The following CHST11 variants were observed in gnomAD, a reference collection of about 807,000 sequenced individuals.
The protein encoded by CHST11 is carbohydrate sulfotransferase 11.
Under a neutral mutation model 30.4 loss-of-function variants are expected in CHST11, and 9 were observed. The ratio of observed to expected loss-of-function variants is 0.30; its 90% CI spans 0.18 to 0.52. CHST11 has a LOEUF of 0.52. Ranked by LOEUF, CHST11 falls within the 20% of genes least tolerant of loss-of-function variation. The probability of loss-of-function intolerance (pLI) is 0.97; values close to 1 mark genes in which losing one functional copy is unlikely to be tolerated. For synonymous variants in CHST11, 152 were observed against 187.8 expected, an observed-to-expected ratio of 0.81 and a Z score of 1.56; for missense variants, 348 against 460.6, an observed-to-expected ratio of 0.76 and a Z score of 2.24.
chr12:104,525,206 T>C (rs1270499129), intron 1 of CHST11, among the ~76,000 whole-genome samples: 1 of 151,816 alleles, frequency 6.6e-6, no homozygotes, highest in East Asian at 1.9e-4. Flanking sequence ...GTTCAAGTGA[T>C]CCTAGAACTT....
At chr12:104,481,575 C>A (rs1479903066) in intron 1 of CHST11, among the ~76,000 whole-genome samples, 3 of 152,020 alleles carry the variant, frequency 2.0e-5, no homozygotes, top group Non-Finnish European at 4.4e-5. Flanking sequence ...AGGGAGCGGT[C>A]ATGGATTCTC....
chr12:104,522,787 G>A (rs1335474367), intron 1 of CHST11, among the ~76,000 whole-genome samples: 4 of 151,998 alleles, frequency 2.6e-5, no homozygotes, highest in Non-Finnish European at 5.9e-5. Context: ...TGGTCCTATC[G>A]CATCATTCTG....
chr12:104,473,195 TATC>T lies in CHST11; in HGVS notation c.118+15672_118+15674del, dbSNP rs140091921. Reference sequence around the variant, plus strand: ...GGGGCCATTTGGAAATCGTTTCTATTATCATCATTTAATGGGAGGTAAGATTAT... The same window carrying T: ...GGGGCCATTTGGAAATCGTTTCTATTATCATTTAATGGGAGGTAAGATTAT... On this transcript the variant is annotated intron_variant, in intron 1 of 2. Transcript: ENST00000303694. 6.2e-3 allele frequency among the ~76,000 whole-genome samples: 946 copies of T among 152,294 alleles called. 13 individuals are homozygous for T. The highest frequency in any genetic ancestry group is 0.022 in the African/African-American group (911 of 41,548).
chr12:104,701,820 AG>A (rs1244921698), intron 2 of CHST11, among the ~76,000 whole-genome samples: 4 of 152,212 alleles, frequency 2.6e-5, no homozygotes, highest in Non-Finnish European at 5.9e-5. Flanking sequence ...TGAGCAGGGA[AG>A]GTGCAGCCTG....
intron 2 of CHST11, among the ~76,000 whole-genome samples, chr12:104,705,185 G>T (rs529899800): frequency 2.6e-5 from 4 of 152,158 alleles, no homozygotes; most frequent in Non-Finnish European, 5.9e-5. Flanking sequence ...AGATCTTGGT[G>T]TGGGTCACCT....
chr12:104,600,709 T>C lies in CHST11; in HGVS notation c.119-1197T>C, dbSNP rs558965372. Among the ~76,000 whole-genome samples, 27 of 152,348 alleles carry C rather than the reference T, an allele frequency of 1.8e-4. No individual in the cohort carries two copies. Among genetic ancestry groups the C allele is most frequent in the African/African-American group, 6.0e-4 (25 of 41,576 alleles). On this transcript the variant is annotated intron_variant, in intron 1 of 2. Transcript: ENST00000303694. This position sits in a 1 kb window ranked among gnomAD's most constrained non-coding sequence, Gnocchi z 4.1. ...TGTCCTGCTGTCCATTCATTGCCTC[T>C]GTGGAGCAGGTGAATTCTTTAGGCT...
intron 1 of CHST11, among the ~76,000 whole-genome samples, chr12:104,462,181 A>AAAAAAAAAAAAAAG (rs2037415576): frequency 6.7e-6 from 1 of 148,650 alleles, no homozygotes; most frequent in Non-Finnish European, 1.5e-5. Flanking sequence ...AAAAAAAAAA[A>AAAAAAAAAAAAAAG]AAAAGAAAAA....
intron 1 of CHST11, among the ~76,000 whole-genome samples, chr12:104,543,256 G>A (rs144192681): frequency 0.011 from 1,733 of 152,288 alleles, 14 homozygotes; most frequent in Non-Finnish European, 0.018. Context: ...CAAGAGGATA[G>A]CACCAAGCCA....
chr12:104,553,568 C>CAGAGAGAGAGAGAGA (rs376486742), intron 1 of CHST11: 1 of 140,134 alleles, frequency 7.1e-6, no homozygotes, highest in African/African-American at 2.8e-5. Context: ...ATGGTGTCAG[C>CAGAGAGAGAGAGAGA]GAGAGAGAGA....
chr12:104,577,930 C>T (rs952547274), intron 1 of CHST11, among the ~76,000 whole-genome samples: 2 of 152,186 alleles, frequency 1.3e-5, no homozygotes, highest in African/African-American at 4.8e-5. Flanking sequence ...CAACAGCACT[C>T]ACGACCCCTT....
intron 2 of CHST11, among the ~76,000 whole-genome samples, chr12:104,612,909 G>A (rs980036299): frequency 1.2e-4 from 19 of 152,192 alleles, no homozygotes; most frequent in Admixed American, 2.6e-4. Flanking sequence ...CAGAGTTGCA[G>A]CATTGTTCAC....
At chr12:104,690,817 GA>G (rs760992479) in intron 2 of CHST11, among the ~76,000 whole-genome samples, 173 of 152,242 alleles carry the variant, frequency 1.1e-3, no homozygotes, top group Non-Finnish European at 1.6e-3. Context: ...AACAGAGTGA[GA>G]CCCTGTCTCC....
intron 1 of CHST11, among the ~76,000 whole-genome samples, chr12:104,524,472 T>G (rs1443091878): frequency 1.3e-5 from 2 of 152,188 alleles, no homozygotes; most frequent in Non-Finnish European, 1.5e-5. Context: ...GTATAGGGAA[T>G]GAGTTCTTGA....
intron 2 of CHST11, among the ~76,000 whole-genome samples, chr12:104,665,325 G>A (rs1335133630): frequency 1.3e-5 from 2 of 152,230 alleles, no homozygotes; most frequent in African/African-American, 4.8e-5. Flanking sequence ...AGAACTTTGG[G>A]AGGAGCAAGG....
chr12:104,602,266 C>T (rs902039029), intron 2 of CHST11: 22 of 483,284 alleles, frequency 4.6e-5, no homozygotes, highest in African/African-American at 2.8e-4. Flanking sequence ...GTCTCAAGTT[C>T]GAGCAATGGG....
Position 104,587,165 on chromosome 12 carries a change from G to T in CHST11, c.119-14741G>T, listed in dbSNP as rs117931952. The stretch of plus-strand genomic sequence containing the variant: ...GTGATGACAGTGGTATACAGAAAAG[G>T]CTTCTAATAAAATTAAACTCACAAA... On this transcript the variant is annotated intron_variant, in intron 1 of 2. Coordinates refer to ENST00000303694, the MANE Select transcript of CHST11 (RefSeq NM_018413.6). Among the ~76,000 whole-genome samples the T allele has an allele frequency of 2.8e-4, 42 of 152,276 alleles. 3 individuals are homozygous for T. The East Asian group carries it at 8.1e-3, about 29-fold the overall frequency.
At chr12:104,750,423 C>T (rs71468230) in intron 2 of CHST11, among the ~76,000 whole-genome samples, 1 of 56,522 alleles carries the variant, frequency 1.8e-5, no homozygotes, top group African/African-American at 6.3e-5. Context: ...TTTTATATTT[C>T]TGCACTTTTT....
chr12:104,621,460 A>T (rs973526376), intron 2 of CHST11, among the ~76,000 whole-genome samples: 2 of 152,238 alleles, frequency 1.3e-5, no homozygotes, highest in Non-Finnish European at 2.9e-5. Context: ...ATGTTACCTT[A>T]TTTGGCAAAA....
intron 2 of CHST11, among the ~76,000 whole-genome samples, chr12:104,736,284 C>T (rs1478376709): frequency 1.3e-5 from 2 of 151,708 alleles, no homozygotes; most frequent in Non-Finnish European, 2.9e-5. Context: ...CACTGCCCTG[C>T]GTGTGGCATG....
Sources: allele counts gnomAD v4.1 joint callset (sites outside exome capture counted in the v4.1 genomes callset), GRCh38; gene constraint gnomAD v4.1.1; non-coding constraint Gnocchi (gnomAD v3.1); transcripts MANE v1.5; gene names NCBI Gene and HGNC (gene_info 2026-07-23, HGNC 2026-07-21).